The following CCDC138 variants were observed in gnomAD, a reference collection of about 807,000 sequenced individuals.
CCDC138 encodes the protein coiled-coil domain-containing protein 138.
A neutral mutation model predicts 82.3 loss-of-function variants in CCDC138; 66 were observed. The ratio of observed to expected loss-of-function variants is 0.80; its 90% CI spans 0.66 to 0.98. The LOEUF is 0.98. CCDC138 is among the 50% of genes least tolerant of loss of function. CCDC138 has a pLI of 0.00. For synonymous variants in CCDC138, 297 were observed against 265.4 expected (o/e 1.12, Z -1.16); for missense variants, 816 against 758.9 (o/e 1.08, Z -0.88).
chr2:108,860,150 A>T (rs1161576815), intron 13 of CCDC138, among the ~76,000 whole-genome samples: 3 of 151,524 alleles, frequency 2.0e-5, no homozygotes, highest in East Asian at 3.9e-4. Context: ...TTTTTCTTAA[A>T]TATGTTGTTT....
intron 11 of CCDC138, among the ~76,000 whole-genome samples, chr2:108,842,277 G>A (rs1181079790): frequency 6.6e-6 from 1 of 151,404 alleles, no homozygotes; most frequent in Non-Finnish European, 1.5e-5. Context: ...GGCCTCAAGT[G>A]ATCCTCCTGC....
At chr2:108,789,854 ATCT>A (rs1387447334) in intron 3 of CCDC138, among the ~76,000 whole-genome samples, 1 of 152,130 alleles carries the variant, frequency 6.6e-6, no homozygotes, top group African/African-American at 2.4e-5. Context: ...TAAAATAAAG[ATCT>A]AAGTTGGATA....
At chr2:108,836,310 C>T (rs1574143783) in intron 10 of CCDC138, among the ~76,000 whole-genome samples, 1 of 152,240 alleles carries the variant, frequency 6.6e-6, no homozygotes, top group South Asian at 2.1e-4. Flanking sequence ...CCATAAGGTT[C>T]GTCCATGTTG....
chr2:108,838,749 A>G (rs1688983880), intron 10 of CCDC138, among the ~76,000 whole-genome samples: 1 of 152,138 alleles, frequency 6.6e-6, no homozygotes, highest in Admixed American at 6.5e-5. Flanking sequence ...CCTTTCATAT[A>G]TCTTTTTCAG....
intron 10 of CCDC138, among the ~76,000 whole-genome samples, chr2:108,819,248 A>C (rs555638167): frequency 6.6e-6 from 1 of 152,302 alleles, no homozygotes; most frequent in South Asian, 2.1e-4. Flanking sequence ...AAAGGAGTGG[A>C]AAAGTTTGTG....
intron 9 of CCDC138, among the ~76,000 whole-genome samples, chr2:108,813,932 C>T (rs192696437): frequency 6.6e-6 from 1 of 152,284 alleles, no homozygotes; most frequent in African/African-American, 2.4e-5. Context: ...TTGTTCCTTA[C>T]TATTGCTCAA....
At chr2:108,830,866 A>G (rs1687463204) in intron 10 of CCDC138, among the ~76,000 whole-genome samples, 1 of 150,030 alleles carries the variant, frequency 6.7e-6, no homozygotes, top group Admixed American at 6.6e-5. Context: ...AGTGTTCTTC[A>G]TTGTGACATT....
chr2:108,861,472 CTTTTTTTTT>C (rs201132350), intron 13 of CCDC138, among the ~76,000 whole-genome samples: 8 of 123,554 alleles, frequency 6.5e-5, no homozygotes, highest in African/African-American at 3.1e-4. Context: ...AACTTTCTTC[CTTTTTTTTT>C]TTTTTTTTTT....
rs556310230 is a variant in CCDC138 at position 108,796,874 on chromosome 2, TTAGA to T, written c.577-1550_577-1547del. On this transcript the variant is annotated intron_variant, in intron 5 of 14. Transcript: ENST00000295124. ...TTAGTTAATGGGTACAAAAATACAG[TTAGA>T]TAGGAGTAAGTTTCAGTATTTACTA... 4.9e-3 allele frequency among the ~76,000 whole-genome samples: 748 copies of T among 152,098 alleles called. 8 individuals are homozygous for T. Among genetic ancestry groups the T allele is most frequent in the African/African-American group, 0.015 (603 of 41,480 alleles).
intron 12 of CCDC138, among the ~76,000 whole-genome samples, chr2:108,854,009 T>C (rs1431847068): frequency 1.0e-5 from 1 of 98,694 alleles, no homozygotes; most frequent in Non-Finnish European, 2.0e-5. Flanking sequence ...ATATTATATA[T>C]AATATATAAT....
chr2:108,789,088 C>T (rs1170371301), intron 3 of CCDC138, 122 bp downstream of exon 3: 2 of 835,784 alleles, frequency 2.4e-6, no homozygotes, highest in Non-Finnish European at 3.7e-6. Context: ...AAGTATAAGG[C>T]AGTCTGGAGC....
intron 13 of CCDC138, among the ~76,000 whole-genome samples, chr2:108,871,723 T>C (rs1489388372): frequency 6.6e-6 from 1 of 152,186 alleles, no homozygotes; most frequent in Non-Finnish European, 1.5e-5. Flanking sequence ...TTGATTGACT[T>C]CCAGCCTGAA....
intron 12 of CCDC138, among the ~76,000 whole-genome samples, chr2:108,850,088 T>G (rs1335869184): frequency 6.6e-6 from 1 of 152,254 alleles, no homozygotes; most frequent in Non-Finnish European, 1.5e-5. Context: ...TCGGAACTAC[T>G]GTCAGACACT....
At position 108,798,491 on chromosome 2, in the gene CCDC138, G is replaced by A. The variant is rs1681284016; in HGVS notation, c.640G>A (p.Glu214Lys). ...ELQKRERFLL[E>K]REQLLFRHEN... ...TCAAAAGCGAGAACGTTTTTTACTT[G>A]AAAGAGAACAACTGCTTTTCAGACA... The change falls in exon 6 of 15, where the codon GAA (glutamate) becomes AAA (lysine). Residue 214 changes from glutamate (E) to lysine (K), a missense_variant. Physicochemically the swap from Glu to Lys is moderately conservative, Grantham distance 56 (BLOSUM62 1). Transcript: ENST00000295124. 6.2e-7 allele frequency: 1 copy of A among 1,613,906 alleles called. No individual in the cohort carries two copies. The highest frequency in any genetic ancestry group is 1.3e-5 in the African/African-American group (1 of 75,032).
chr2:108,856,820 T>A lies in CCDC138; in HGVS notation c.1543T>A (p.Ser515Thr), dbSNP rs1353491316. 1 of 1,613,360 alleles carries A rather than the reference T, an allele frequency of 6.2e-7. No individual in the cohort carries two copies. Reference sequence around the variant, plus strand: ...TGATTACCTGGCTCAGGCATTTGATTCTCTTTGTTTGGACTTGAAGACAGA... The same window carrying A: ...TGATTACCTGGCTCAGGCATTTGATACTCTTTGTTTGGACTTGAAGACAGA... ...QADYLAQAFD[S>T]LCLDLKTEEG... The change falls in exon 13 of 15, where the codon TCT becomes ACT. Residue 515 changes from serine to threonine, a missense_variant. Transcript: ENST00000295124.
intron 11 of CCDC138, among the ~76,000 whole-genome samples, chr2:108,839,949 C>T (rs1260729635): frequency 6.6e-6 from 1 of 151,820 alleles, no homozygotes; most frequent in Non-Finnish European, 1.5e-5. Flanking sequence ...TGTTTCTCCT[C>T]TTAGGAGGAA....
chr2:108,829,835 G>A (rs972837824), intron 10 of CCDC138, among the ~76,000 whole-genome samples: 3 of 152,212 alleles, frequency 2.0e-5, no homozygotes, highest in African/African-American at 7.2e-5. Context: ...TGATAGGAAT[G>A]TAAAATGCAG....
In CCDC138 at chr2:108,812,874, C is replaced by G; in HGVS notation, c.988C>G (p.His330Asp). 2 of 1,613,346 alleles carry G rather than the reference C, an allele frequency of 1.2e-6. No homozygotes were observed. Among genetic ancestry groups the G allele is most frequent in the Non-Finnish European group, 1.7e-6 (2 of 1,179,550 alleles). ...ATTGAAAGGAAGTTCCCATGCTGTT[C>G]ATGAAATGAAAAGTTTAAAACAAGA... Reference protein sequence around the residue: ...QRLKGSSHAVHEMKSLKQEKA... With the variant: ...QRLKGSSHAVDEMKSLKQEKA... Residue 330 changes from histidine to aspartate, a missense_variant, in exon 9 of 15, where the codon CAT (histidine) becomes GAT (aspartate). Physicochemically the swap from His to Asp is moderately conservative, Grantham distance 81. Transcript: ENST00000295124.
In CCDC138 at chr2:108,846,205, A is replaced by G. The variant is rs72934095; in HGVS notation, c.1324-533A>G. Among the ~76,000 whole-genome samples the G allele has an allele frequency of 2.7e-3, 413 of 152,218 alleles. 3 individuals are homozygous for G. Among genetic ancestry groups the G allele is most frequent in the African/African-American group, 9.3e-3 (387 of 41,548 alleles). ...GGTAGTCCACCTCTGTTCCCTTGCT[A>G]TTTCTCTGTGTCAGAAATATAGCAT... is the stretch of plus-strand genomic sequence containing the variant. On this transcript the variant is annotated intron_variant, in intron 11 of 14. Coordinates refer to ENST00000295124, the MANE Select transcript of CCDC138 (RefSeq NM_144978.3).
Sources: gnomAD v4.1 joint callset for allele counts (sites outside exome capture counted in the v4.1 genomes callset) on GRCh38, gnomAD v4.1.1 for gene constraint, MANE v1.5 for transcripts, NCBI Gene and HGNC (gene_info 2026-07-23, HGNC 2026-07-21) for gene names.